The following DLG2 variants were observed in gnomAD, a reference collection of about 807,000 sequenced individuals.
The protein encoded by DLG2 is disks large homolog 2.
In DLG2, 45 loss-of-function variants were observed where a neutral mutation model predicts 132.5. That is an observed-to-expected ratio of 0.34 (90% CI 0.27 to 0.44). The LOEUF (loss-of-function observed/expected upper bound fraction) is 0.44. DLG2 is among the 20% of genes least tolerant of loss of function. The pLI is 1.00. For synonymous variants in DLG2, 424 were observed against 419.6 expected, an observed-to-expected ratio of 1.01 and a Z score of -0.13; for missense variants, 1,045 against 1,196.9, an observed-to-expected ratio of 0.87 and a Z score of 1.87.
intron 18 of DLG2, among the ~76,000 whole-genome samples, chr11:83,724,403 G>A (rs185723700): frequency 7.5e-4 from 114 of 151,222 alleles, no homozygotes; most frequent in Non-Finnish European, 1.2e-3. Context: ...GGTATTGCTG[G>A]AACCAATTTA....
rs144785268 is a variant in DLG2 at position 84,574,598 on chromosome 11, C to T, written c.358-39867G>A. ...ATGTTGTCTATAATGATCTTAGACA[C>T]ATGTTAACACTCATAAATCCATCCA... On this transcript the variant is annotated intron_variant, in intron 6 of 27. Transcript: ENST00000376104. 5.8e-3 allele frequency among the ~76,000 whole-genome samples: 877 copies of T among 152,284 alleles called. 8 individuals carry two copies. The highest frequency in any genetic ancestry group is 0.02 in the African/African-American group (851 of 41,570).
chr11:84,173,030 G>C (rs2095859523), intron 8 of DLG2, among the ~76,000 whole-genome samples: 1 of 152,002 alleles, frequency 6.6e-6, no homozygotes. Context: ...ATTTTTATCA[G>C]TATTTCCATC....
intron 11 of DLG2, among the ~76,000 whole-genome samples, chr11:84,002,538 T>C (rs2094402851): frequency 2.6e-5 from 4 of 152,158 alleles, no homozygotes; most frequent in African/African-American, 9.7e-5. Flanking sequence ...ACCCACAGGC[T>C]CAACACCACA....
chr11:85,406,491 G>C (rs1187306774), intron 3 of DLG2, among the ~76,000 whole-genome samples: 1 of 143,466 alleles, frequency 7.0e-6, no homozygotes, highest in African/African-American at 2.6e-5. Context: ...TTAAATCTAA[G>C]CAGCTGCTGT....
At position 85,504,840 on chromosome 11, in the gene DLG2, C is replaced by A. The variant is rs575109398; in HGVS notation, c.40+93817G>T. On this transcript the variant is annotated intron_variant, in intron 3 of 27. Coordinates refer to ENST00000376104, the MANE Select transcript of DLG2 (RefSeq NM_001142699.3). ...TTTCACAATATTGATTCTTCCTATC[C>A]ATGAGCATGGAATGTTCTTCCATTT... Among the ~76,000 whole-genome samples, 141 of 152,268 alleles carry A rather than the reference C, an allele frequency of 9.3e-4. 1 individual carries two copies. The highest frequency in any genetic ancestry group is 3.3e-3 in the African/African-American group (139 of 41,546).
intron 6 of DLG2, among the ~76,000 whole-genome samples, chr11:84,568,316 C>CTG (rs1361246277): frequency 6.6e-6 from 1 of 152,102 alleles, no homozygotes; most frequent in East Asian, 1.9e-4. Context: ...CGAGACTATC[C>CTG]TGTGCTAGGT....
intron 7 of DLG2, among the ~76,000 whole-genome samples, chr11:84,256,910 G>T (rs2097481434): frequency 6.6e-6 from 1 of 152,140 alleles, no homozygotes; most frequent in African/African-American, 2.4e-5. Context: ...GCAGCTACAA[G>T]ATAGCATGCT....
At chr11:85,340,281 C>T (rs2082395838) in intron 3 of DLG2, among the ~76,000 whole-genome samples, 1 of 152,184 alleles carries the variant, frequency 6.6e-6, no homozygotes, top group South Asian at 2.1e-4. Context: ...AAATGTGGCA[C>T]ATATACACCA....
intron 6 of DLG2, among the ~76,000 whole-genome samples, chr11:84,951,076 G>T (rs2050850166): frequency 6.6e-6 from 1 of 152,146 alleles, no homozygotes; most frequent in Non-Finnish European, 1.5e-5. Context: ...ATGGCTTTCT[G>T]TTCAGTTTAG....
chr11:83,538,875 G>C (rs903387816), intron 20 of DLG2, among the ~76,000 whole-genome samples: 4 of 152,178 alleles, frequency 2.6e-5, no homozygotes, highest in African/African-American at 9.7e-5. Context: ...CTCAGATGCT[G>C]CCCAAGCAAT....
chr11:84,106,813 CTGTGTG>C (rs71066090), intron 9 of DLG2, among the ~76,000 whole-genome samples: 8,859 of 132,846 alleles, frequency 0.067, 571 homozygotes, highest in African/African-American at 0.18. Context: ...AGATTATTAT[CTGTGTG>C]TGTGTGTGTG....
At chr11:85,305,640 G>A (rs1334279339) in intron 3 of DLG2, among the ~76,000 whole-genome samples, 2 of 152,090 alleles carry the variant, frequency 1.3e-5, no homozygotes, top group African/African-American at 4.8e-5. Flanking sequence ...AGCCTCCCGA[G>A]TAGCTGGGAC....
intron 22 of DLG2, among the ~76,000 whole-genome samples, chr11:83,483,843 G>A (rs977102378): frequency 6.6e-6 from 1 of 152,156 alleles, no homozygotes; most frequent in Admixed American, 6.5e-5. Context: ...AGGGTTGCAT[G>A]ATAGAAAAGG....
intron 6 of DLG2, among the ~76,000 whole-genome samples, chr11:84,649,251 C>A (rs1008583500): frequency 6.6e-6 from 1 of 152,114 alleles, no homozygotes; most frequent in East Asian, 1.9e-4. Context: ...AAGGAACATA[C>A]GACTAATTCC....
At chr11:83,731,128 C>T (rs568464582) in intron 18 of DLG2, among the ~76,000 whole-genome samples, 1 of 152,142 alleles carries the variant, frequency 6.6e-6, no homozygotes, top group African/African-American at 2.4e-5. Flanking sequence ...AGTTCTCTTT[C>T]TTTTTTTCTT....
At chr11:84,831,506 G>A (rs1468671562) in intron 6 of DLG2, among the ~76,000 whole-genome samples, 1 of 151,598 alleles carries the variant, frequency 6.6e-6, no homozygotes, top group Non-Finnish European at 1.5e-5. Flanking sequence ...CAGCAAGTAA[G>A]TAAAATAAAA....
At position 84,388,520 on chromosome 11, in the gene DLG2, T is replaced by C. The variant is rs571316121; in HGVS notation, c.520-137229A>G. Among the ~76,000 whole-genome samples, 12 of 152,190 alleles carry C rather than the reference T, an allele frequency of 7.9e-5. No homozygotes were observed. The South Asian group carries it at 2.5e-3, about 32-fold the overall frequency. ...TGGGTAGTAGAAAAGAGGGCAGCTA[T>C]TTCATTTTAATTTATAGATTCCTAA... On this transcript the variant is annotated intron_variant, in intron 7 of 27. Coordinates refer to ENST00000376104, the MANE Select transcript of DLG2 (RefSeq NM_001142699.3).
chr11:84,605,278 G>A (rs1225195722), intron 6 of DLG2, among the ~76,000 whole-genome samples: 1 of 151,796 alleles, frequency 6.6e-6, no homozygotes, highest in Non-Finnish European at 1.5e-5. Flanking sequence ...ACCTTAGCAT[G>A]CATTTTTAGA....
chr11:85,145,934 T>C (rs560525391), intron 5 of DLG2, among the ~76,000 whole-genome samples: 3 of 152,244 alleles, frequency 2.0e-5, no homozygotes, highest in Admixed American at 1.3e-4. Flanking sequence ...AGGTATTTAT[T>C]TTAAGCTTGC....
Sources: gnomAD v4.1 joint callset for allele counts (sites outside exome capture counted in the v4.1 genomes callset) on GRCh38, gnomAD v4.1.1 for gene constraint, MANE v1.5 for transcripts, NCBI Gene and HGNC (gene_info 2026-07-23, HGNC 2026-07-21) for gene names.